Variants in NGLY1 observed in about 807,000 individuals in gnomAD.
The protein encoded by NGLY1 is peptide-N(4)-(N-acetyl-beta-glucosaminyl)asparagine amidase.
A neutral mutation model predicts 84.6 loss-of-function variants in NGLY1; 68 were observed. That is an observed-to-expected ratio of 0.80 (90% CI 0.66 to 0.98). NGLY1 has a LOEUF of 0.98. Ranked by LOEUF, NGLY1 falls within the 50% of genes least tolerant of loss-of-function variation. The probability of loss-of-function intolerance (pLI) is 0.00; values close to 1 mark genes in which losing one functional copy is unlikely to be tolerated. For missense variants in NGLY1, 779 were observed against 770.2 expected (o/e 1.01, Z -0.14); for synonymous variants, 280 against 275.2 (o/e 1.02, Z -0.17).
At chr3:25,770,383 G>C (rs576121038) in intron 2 of NGLY1, among the ~76,000 whole-genome samples, 180 of 152,092 alleles carry the variant, frequency 1.2e-3, no homozygotes, top group African/African-American at 4.2e-3. Flanking sequence ...TCCTGACCTC[G>C]GGTGATCCAC....
chr3:25,785,541 A>G (rs1485215178), upstream of NGLY1, among the ~76,000 whole-genome samples: 11 of 150,986 alleles, frequency 7.3e-5, no homozygotes, highest in East Asian at 1.5e-3. Context: ...TTTTTCAAAT[A>G]AAATTTTAGG....
intron 3 of NGLY1, among the ~76,000 whole-genome samples, chr3:25,759,247 T>C (rs1284622296): frequency 3.3e-5 from 5 of 151,526 alleles, no homozygotes; most frequent in Admixed American, 2.6e-4. Context: ...AAATGTAGAG[T>C]TGGTGATGAC....
intron 10 of NGLY1, among the ~76,000 whole-genome samples, chr3:25,724,074 T>G (rs779193595): frequency 9.8e-5 from 15 of 152,348 alleles, no homozygotes; most frequent in Non-Finnish European, 2.1e-4. Flanking sequence ...GTAACCACTA[T>G]TTTCAGGACT....
At chr3:25,747,582 G>A (rs953695404) in intron 4 of NGLY1, among the ~76,000 whole-genome samples, 6 of 152,146 alleles carry the variant, frequency 3.9e-5, no homozygotes, top group Non-Finnish European at 8.8e-5. Flanking sequence ...ATATAGTTAA[G>A]CCTTCAGATG....
chr3:25,746,109 A>G (rs904381792), intron 4 of NGLY1, among the ~76,000 whole-genome samples: 6 of 152,162 alleles, frequency 3.9e-5, no homozygotes, highest in African/African-American at 1.4e-4. Flanking sequence ...ATATGGTTTC[A>G]GCCTACTTGA....
chr3:25,783,941 G>A (rs1295325373), upstream of NGLY1: 1 of 152,240 alleles, frequency 6.6e-6, no homozygotes, highest in African/African-American at 2.4e-5. This position sits in a 1 kb window ranked among gnomAD's most constrained non-coding sequence, Gnocchi z 4.5. Flanking sequence ...GTGCCTCTCA[G>A]AAACCCGGAT....
At chr3:25,738,486 G>C (rs111801299) in intron 5 of NGLY1, among the ~76,000 whole-genome samples, 1 of 152,170 alleles carries the variant, frequency 6.6e-6, no homozygotes, top group East Asian at 1.9e-4. Flanking sequence ...CAGCTGAGCA[G>C]AGAGGTCAGC....
chr3:25,779,470 GGAT>G (rs1279808057), intron 1 of NGLY1, among the ~76,000 whole-genome samples: 6 of 152,256 alleles, frequency 3.9e-5, no homozygotes, highest in African/African-American at 1.4e-4. Context: ...ACATAGTTTA[GGAT>G]GATAAGTTTC....
At chr3:25,737,055 C>T (rs1705861157) in intron 6 of NGLY1, 1 of 266,142 alleles carries the variant, frequency 3.8e-6, no homozygotes, top group South Asian at 1.3e-4. Context: ...AAGTATCCCC[C>T]AAATATGTAC....
chr3:25,749,933 G>C, intron 4 of NGLY1: 1 of 489,524 alleles, frequency 2.0e-6, no homozygotes, highest in Non-Finnish European at 3.4e-6. Context: ...AAATAAAACT[G>C]TAAAAACTGC....
intron 11 of NGLY1, 133 bp downstream of exon 11, chr3:25,719,881 A>ATT: frequency 1.2e-5 from 8 of 686,474 alleles, no homozygotes; most frequent in Non-Finnish European, 1.5e-5. Flanking sequence ...GGGTTTATTA[A>ATT]ATTTTTTTTT....
At chr3:25,766,657 A>G (rs1053027573) in intron 2 of NGLY1, among the ~76,000 whole-genome samples, 20 of 152,224 alleles carry the variant, frequency 1.3e-4, no homozygotes, top group Admixed American at 3.9e-4. Flanking sequence ...CTAGGAAGAG[A>G]AACCAGACAT....
At chr3:25,774,426 C>T (rs1708053936) in intron 2 of NGLY1, among the ~76,000 whole-genome samples, 1 of 152,164 alleles carries the variant, frequency 6.6e-6, no homozygotes, top group Non-Finnish European at 1.5e-5. Flanking sequence ...CAGGGTTAGG[C>T]ATGTCTGAGA....
intron 1 of NGLY1, among the ~76,000 whole-genome samples, chr3:25,780,187 T>C (rs1708345512): frequency 6.6e-6 from 1 of 152,208 alleles, no homozygotes; most frequent in Admixed American, 6.5e-5. Flanking sequence ...CTTTATTCTG[T>C]GTATTAGATT....
chr3:25,730,614 G>A (rs1705492592), intron 9 of NGLY1: 2 of 152,104 alleles, frequency 1.3e-5, no homozygotes, highest in African/African-American at 4.8e-5. Context: ...ACACTGCATT[G>A]GCAGTGATTT....
chr3:25,768,396 T>C (rs1707721499), intron 2 of NGLY1, among the ~76,000 whole-genome samples: 1 of 145,070 alleles, frequency 6.9e-6, no homozygotes, highest in Non-Finnish European at 1.5e-5. Flanking sequence ...CACTCTAGCC[T>C]GGGCAACAAG....
chr3:25,760,379 T>C (rs1445864051), intron 3 of NGLY1, among the ~76,000 whole-genome samples: 1 of 152,188 alleles, frequency 6.6e-6, no homozygotes, highest in African/African-American at 2.4e-5. Flanking sequence ...TTTTTCCATA[T>C]AATAATGTTA....
At chr3:25,727,928 G>C (rs1705343918) in intron 10 of NGLY1, among the ~76,000 whole-genome samples, 1 of 152,064 alleles carries the variant, frequency 6.6e-6, no homozygotes, top group Admixed American at 6.6e-5. Flanking sequence ...CTTGCTTTCT[G>C]TTCAGAGAAA....
At chr3:25,730,013 C>G (rs1235567162) in intron 9 of NGLY1, 1 of 152,112 alleles carries the variant, frequency 6.6e-6, no homozygotes, top group Non-Finnish European at 1.5e-5. Flanking sequence ...GAGTCCTCAA[C>G]CATTTCCTCA....
Sources: allele counts gnomAD v4.1 joint callset (sites outside exome capture counted in the v4.1 genomes callset), GRCh38; gene constraint gnomAD v4.1.1; non-coding constraint Gnocchi (gnomAD v3.1); transcripts MANE v1.5; gene names NCBI Gene and HGNC (gene_info 2026-07-23, HGNC 2026-07-21).